The following NRXN1 variants were observed in gnomAD, a reference collection of about 807,000 sequenced individuals.
NRXN1 encodes the protein neurexin 1, also known as neurexin-1.
Under a neutral mutation model 150.9 loss-of-function variants are expected in NRXN1, and 39 were observed. The observed-to-expected ratio is 0.26, with a 90% CI of 0.20 to 0.34. NRXN1 has a LOEUF of 0.34. NRXN1 is among the 10% of genes least tolerant of loss of function. The pLI is 1.00. For missense variants in NRXN1, 1,815 were observed against 1,949.9 expected, an observed-to-expected ratio of 0.93 and a Z score of 1.30; for synonymous variants, 924 against 757.0, an observed-to-expected ratio of 1.22 and a Z score of -3.62.
intron 22 of NRXN1, among the ~76,000 whole-genome samples, chr2:49,938,214 G>T (rs923703335): frequency 6.6e-6 from 1 of 152,088 alleles, no homozygotes; most frequent in African/African-American, 2.4e-5. Flanking sequence ...GAATACACCA[G>T]CTCTCTCATA....
At chr2:50,475,410 C>CAGTG (rs1553663356) in intron 15 of NRXN1, among the ~76,000 whole-genome samples, 1 of 151,160 alleles carries the variant, frequency 6.6e-6, no homozygotes, top group Non-Finnish European at 1.5e-5. Context: ...AAAGAGGAAA[C>CAGTG]AGTAAGGCAA....
intron 18 of NRXN1, among the ~76,000 whole-genome samples, chr2:50,109,539 G>A (rs907267282): frequency 4.0e-5 from 6 of 151,672 alleles, no homozygotes; most frequent in African/African-American, 1.5e-4. Context: ...CAGTTTGCGG[G>A]GTTCTCTTGG....
rs201224949 is a variant in NRXN1, at chr2:50,343,464, G to GA, written c.3365-106495dup. On this transcript the variant is annotated intron_variant, in intron 17 of 22. Coordinates refer to ENST00000401669, the MANE Select transcript of NRXN1 (RefSeq NM_001330078.2). Reference sequence around the variant, plus strand: ...ACACAGTTCTCCCTCTATTTAACTAGAAAAAAAAAACACAATTTTTCTATG... The same window carrying GA: ...ACACAGTTCTCCCTCTATTTAACTAGAAAAAAAAAAACACAATTTTTCTATG... Among the ~76,000 whole-genome samples the GA allele has an allele frequency of 5.7e-3, 739 of 130,030 alleles. 1 individual carries two copies. The highest frequency in any genetic ancestry group is 0.013 in the African/African-American group (337 of 26,450). 85.3% of individuals were successfully genotyped at this position (130,030 alleles called of 152,430 possible).
intron 5 of NRXN1, among the ~76,000 whole-genome samples, chr2:50,884,845 C>A (rs774321444): frequency 2.0e-5 from 3 of 151,188 alleles, no homozygotes; most frequent in Non-Finnish European, 4.4e-5. Context: ...AAAATACAAA[C>A]TTTTTTTTCT....
chr2:49,987,797 G>T (rs916632920), intron 21 of NRXN1, among the ~76,000 whole-genome samples: 4 of 150,516 alleles, frequency 2.7e-5, no homozygotes. Context: ...TTTTGGAAAA[G>T]AAACTAGAAT....
chr2:50,818,367 T>C (rs1179149325), intron 5 of NRXN1, among the ~76,000 whole-genome samples: 2 of 152,104 alleles, frequency 1.3e-5, no homozygotes, highest in Non-Finnish European at 2.9e-5. Context: ...AAGTTTTCAG[T>C]ATATAGGTCT....
chr2:50,571,813 A>G (rs1471912704), intron 8 of NRXN1, among the ~76,000 whole-genome samples: 1 of 152,088 alleles, frequency 6.6e-6, no homozygotes, highest in African/African-American at 2.4e-5. Flanking sequence ...TTGGGGGAAA[A>G]GCTTAGAAAA....
At chr2:50,410,162 G>T (rs1336663508) in intron 17 of NRXN1, among the ~76,000 whole-genome samples, 1 of 151,694 alleles carries the variant, frequency 6.6e-6, no homozygotes, top group African/African-American at 2.4e-5. Flanking sequence ...AATATAACCA[G>T]CAATTTTTAA....
At chr2:50,613,717 T>G (rs1194510698) in intron 8 of NRXN1, among the ~76,000 whole-genome samples, 1 of 152,134 alleles carries the variant, frequency 6.6e-6, no homozygotes, top group African/African-American at 2.4e-5. Context: ...GGTGGGTGGA[T>G]CACAAGGTCA....
intron 5 of NRXN1, among the ~76,000 whole-genome samples, chr2:50,779,986 A>G (rs1264654240): frequency 6.6e-6 from 1 of 152,084 alleles, no homozygotes; most frequent in African/African-American, 2.4e-5. Flanking sequence ...TCCCACCAAC[A>G]GTGTAAAAGT....
chr2:50,594,355 G>T (rs1457357271), intron 8 of NRXN1, among the ~76,000 whole-genome samples: 1 of 152,084 alleles, frequency 6.6e-6, no homozygotes, highest in Non-Finnish European at 1.5e-5. Context: ...TATGTAAACT[G>T]AAACCTAATT....
intron 17 of NRXN1, among the ~76,000 whole-genome samples, chr2:50,257,138 A>C (rs1225389360): frequency 2.0e-5 from 3 of 152,102 alleles, no homozygotes; most frequent in Non-Finnish European, 1.5e-5. Context: ...AAAAGAGATT[A>C]ATATTCAAAG....
chr2:50,021,159 A>G (rs1687503143), intron 21 of NRXN1, among the ~76,000 whole-genome samples: 1 of 152,208 alleles, frequency 6.6e-6, no homozygotes, highest in Non-Finnish European at 1.5e-5. Context: ...GGTAAGATGT[A>G]TACGTGATCA....
chr2:50,662,676 G>A (rs1033149547), intron 5 of NRXN1, among the ~76,000 whole-genome samples: 3 of 151,896 alleles, frequency 2.0e-5, no homozygotes, highest in African/African-American at 7.2e-5. Context: ...ATGTGGTCAA[G>A]GGAAGCCAAA....
intron 17 of NRXN1, among the ~76,000 whole-genome samples, chr2:50,276,021 C>G (rs1294264141): frequency 6.9e-6 from 1 of 145,944 alleles, no homozygotes; most frequent in Non-Finnish European, 1.5e-5. Flanking sequence ...TGCAATTTTG[C>G]TGGTTAATTT....
rs200468214 is a variant in NRXN1 at position 50,497,326 on chromosome 2, T to C, written c.2879+7A>G. On this transcript the variant is annotated splice_region_variant and intron_variant, in intron 14 of 22. Coordinates refer to ENST00000401669, the MANE Select transcript of NRXN1 (RefSeq NM_001330078.2). ...ATTTATTTGCTATTGAACAGGCATGTACTCACCCTTTAACTAATTCAACCA... is the reference window on the plus strand; with the variant it reads ...ATTTATTTGCTATTGAACAGGCATGCACTCACCCTTTAACTAATTCAACCA... The C allele has an allele frequency of 4.2e-5, 64 of 1,520,558 alleles. No homozygotes were observed. Among genetic ancestry groups the C allele is most frequent in the Non-Finnish European group, 4.7e-5 (54 of 1,137,904 alleles). The allele number at this position is 1,520,558 out of a possible 1,614,324, so 94.2% of individuals were successfully genotyped here. A position where few individuals can be genotyped will look rare whatever the true frequency, so the allele number is the denominator to read the frequency against.
At chr2:50,708,170 C>T (rs1574186176) in intron 5 of NRXN1, among the ~76,000 whole-genome samples, 2 of 152,084 alleles carry the variant, frequency 1.3e-5, no homozygotes, top group Admixed American at 1.3e-4. Flanking sequence ...AGTTAAAGAA[C>T]AATGGAGTTG....
chr2:50,888,434 T>C (rs1680584226), intron 5 of NRXN1, among the ~76,000 whole-genome samples: 1 of 151,562 alleles, frequency 6.6e-6, no homozygotes, highest in Admixed American at 6.6e-5. Context: ...AAGGTGGAAC[T>C]GAAAGCAGTG....
At chr2:50,201,884 C>T (rs1213855098) in intron 18 of NRXN1, among the ~76,000 whole-genome samples, 1 of 152,128 alleles carries the variant, frequency 6.6e-6, no homozygotes, top group Non-Finnish European at 1.5e-5. Context: ...GTTCTTAGTC[C>T]ATTGGTTTTG....
Sources: allele counts gnomAD v4.1 joint callset (sites outside exome capture counted in the v4.1 genomes callset), GRCh38; gene constraint gnomAD v4.1.1; transcripts MANE v1.5; gene names NCBI Gene and HGNC (gene_info 2026-07-23, HGNC 2026-07-21).